The following SLITRK6 variants were observed in gnomAD, a reference collection of about 807,000 sequenced individuals.
The protein encoded by SLITRK6 is SLIT and NTRK like family member 6.
In SLITRK6, 35 loss-of-function variants were observed where a neutral mutation model predicts 55.6. The ratio of observed to expected loss-of-function variants is 0.63; its 90% CI spans 0.48 to 0.83. SLITRK6 has a LOEUF of 0.83. SLITRK6 is among the 40% of genes least tolerant of loss of function. The pLI is 0.00. For synonymous variants in SLITRK6, 392 were observed against 359.6 expected (o/e 1.09, Z -1.02); for missense variants, 977 against 986.4 (o/e 0.99, Z 0.13).
At chr13:85,796,816 A>T (rs1874742262) in intron 1 of SLITRK6, among the ~76,000 whole-genome samples, 1 of 151,728 alleles carries the variant, frequency 6.6e-6, no homozygotes, top group Admixed American at 6.6e-5. Flanking sequence ...CTCACATCTG[A>T]TGAATAACCT....
rs768861149 is a variant in SLITRK6 at position 85,795,505 on chromosome 13, C to T, written c.1004G>A (p.Cys335Tyr). Residue 335 changes from cysteine to tyrosine, a missense_variant, in exon 2 of 2, where the codon TGC (cysteine) becomes TAC (tyrosine). Coordinates refer to ENST00000647374, the MANE Select transcript of SLITRK6 (RefSeq NM_032229.3). The stretch of plus-strand genomic sequence containing the variant: ...AAGTCCTGATGGGGATAGGACTTTG[C>T]AGTTACAAGGAATAGGGCAGTAAGG... ...PGPYCPIPCN[C>Y]KVLSPSGLLI... 5 of 1,612,928 alleles carry T rather than the reference C, an allele frequency of 3.1e-6. No homozygotes were observed. The South Asian group carries it at 5.5e-5, about 18-fold the overall frequency.
At position 85,798,334 on chromosome 13, in the gene SLITRK6, T is replaced by C. The variant is rs1874782689; in HGVS notation, c.-25+580A>G. Reference sequence around the variant, plus strand: ...GTATAGCATCAGAGAAAATAGTAAATAATTTTTCAGTGATAAACTCTTGTT... The same window carrying C: ...GTATAGCATCAGAGAAAATAGTAAACAATTTTTCAGTGATAAACTCTTGTT... On this transcript the variant is annotated intron_variant, in intron 1 of 1. Coordinates refer to ENST00000647374, the MANE Select transcript of SLITRK6 (RefSeq NM_032229.3). 2.0e-5 allele frequency among the ~76,000 whole-genome samples: 3 copies of C among 151,864 alleles called. No homozygotes were observed. In the South Asian group the frequency reaches 6.2e-4, roughly 31 times the overall value.
At chr13:85,797,019 A>G (rs2137170883) in intron 1 of SLITRK6, among the ~76,000 whole-genome samples, 1 of 151,824 alleles carries the variant, frequency 6.6e-6, no homozygotes, top group South Asian at 2.1e-4. Context: ...TGATAAAAGA[A>G]TGTATGTGTG....
chr13:85,798,410 C>G (rs1874785098), intron 1 of SLITRK6, among the ~76,000 whole-genome samples: 1 of 151,954 alleles, frequency 6.6e-6, no homozygotes, highest in African/African-American at 2.4e-5. Context: ...TGCTAGGAAA[C>G]AGTTTCTAAT....
Position 85,794,837 on chromosome 13 carries a change from T to C in SLITRK6, c.1672A>G (p.Lys558Glu), listed in dbSNP as rs765643815. 1.9e-6 allele frequency: 3 copies of C among 1,613,182 alleles called. No homozygotes were observed. The highest frequency in any genetic ancestry group is 1.7e-6 in the Non-Finnish European group (2 of 1,179,512). ...SPGHLDKKEL[K>E]ALNSEILCPG... The stretch of plus-strand genomic sequence containing the variant: ...CAGAGAATTTCACTATTTAGGGCTT[T>C]CAATTCCTTTTTGTCGAGATGCCCG... Residue 558 changes from lysine (K) to glutamate (E), a missense_variant, in exon 2 of 2, where the codon AAA (lysine) becomes GAA (glutamate). By Grantham distance (56) the Lys-to-Glu change is moderately conservative. Coordinates refer to ENST00000647374, the MANE Select transcript of SLITRK6 (RefSeq NM_032229.3).
rs1038665577 is a variant in SLITRK6, at chr13:85,793,042, A to G, written c.*941T>C. 9.2e-5 allele frequency: 14 copies of G among 152,272 alleles called. No homozygotes were observed. Among genetic ancestry groups the G allele is most frequent in the African/African-American group, 2.2e-4 (9 of 41,410 alleles). 9.4% of individuals were successfully genotyped at this position (152,272 alleles called of 1,614,324 possible). A position where few individuals can be genotyped will look rare whatever the true frequency, so the allele number is the denominator to read the frequency against. On this transcript the variant is annotated 3_prime_UTR_variant, in exon 2 of 2. Coordinates refer to ENST00000647374, the MANE Select transcript of SLITRK6 (RefSeq NM_032229.3). Reference sequence around the variant, plus strand: ...CAATGTACATCAATAAAAATAAAATAATTTTTCCTATTTACTTTACAACTG... The same window carrying G: ...CAATGTACATCAATAAAAATAAAATGATTTTTCCTATTTACTTTACAACTG...
At position 85,795,170 on chromosome 13, in the gene SLITRK6, T is replaced by G. The variant is rs748064274; in HGVS notation, c.1339A>C (p.Ile447Leu). Reference protein sequence around the residue: ...LEYLYLEYNAIKEILPGTFNP... With the variant: ...LEYLYLEYNALKEILPGTFNP... ...AAGGTTCCTGGCAGTATTTCCTTAA[T>G]GGCATTGTATTCAAGATATAAGTAT... Residue 447 changes from isoleucine (I) to leucine (L), a missense_variant, in exon 2 of 2, where the codon ATT (isoleucine) becomes CTT (leucine). Transcript: ENST00000647374. 24 of 1,612,892 alleles carry G rather than the reference T, an allele frequency of 1.5e-5. No homozygotes were observed. Among genetic ancestry groups the G allele is most frequent in the Middle Eastern group, 1.7e-4 (1 of 6,048 alleles).
In SLITRK6 at chr13:85,793,914, C is replaced by T; in HGVS notation, c.*69G>A. ...TGATTGATGACACACTCACGTAAGG[C>T]ACTTATTTACAAGGTATGGACTTAA... On this transcript the variant is annotated 3_prime_UTR_variant, in exon 2 of 2. Coordinates refer to ENST00000647374, the MANE Select transcript of SLITRK6 (RefSeq NM_032229.3). 6.6e-7 allele frequency: 1 copy of T among 1,505,212 alleles called. No homozygotes were observed. The highest frequency in any genetic ancestry group is 8.9e-7 in the Non-Finnish European group (1 of 1,125,668). The allele number at this position is 1,505,212 out of a possible 1,614,324, so 93.2% of individuals were successfully genotyped here. A position where few individuals can be genotyped will look rare whatever the true frequency, so the allele number is the denominator to read the frequency against.
Position 85,793,796 on chromosome 13 carries a change from C to T in SLITRK6, c.*187G>A, listed in dbSNP as rs1471039475. The T allele has an allele frequency of 2.4e-5, 13 of 551,472 alleles. No individual in the cohort carries two copies. The highest frequency in any genetic ancestry group is 3.6e-5 in the Non-Finnish European group (12 of 332,906). The allele number at this position is 551,472 out of a possible 1,614,324, so 34.2% of individuals were successfully genotyped here. ...TTTTATTTGGGACAGACTAAATTGC[C>T]TGAAGATAATGCCATGGCTTCTCCC... On this transcript the variant is annotated 3_prime_UTR_variant, in exon 2 of 2. Transcript: ENST00000647374.
Position 85,794,998 on chromosome 13 carries a change from TC to T in SLITRK6, c.1510del (p.Asp504MetfsTer6). ...FTHLPVSNIL[D>X]DLDLLTQIDL... ...AATCTGGGTTAGCAAATCAAGATCA[TC>T]CAAAATATTACTTACAGGTAGATGG... On this transcript the variant is annotated frameshift_variant, in exon 2 of 2. Transcript: ENST00000647374. LOFTEE classifies it high-confidence loss of function. 2 of 1,613,058 alleles carry T rather than the reference TC, an allele frequency of 1.2e-6. No homozygotes were observed. The highest frequency in any genetic ancestry group is 2.7e-5 in the African/African-American group (2 of 74,968).
In SLITRK6 at chr13:85,795,471, A is replaced by G. The variant is rs747340636; in HGVS notation, c.1038T>C (p.His346=). Residue 346 remains histidine, a synonymous_variant, in exon 2 of 2, where the codon CAT becomes CAC. Coordinates refer to ENST00000647374, the MANE Select transcript of SLITRK6 (RefSeq NM_032229.3). ...KVLSPSGLLI[H]CQERNIESLS... Reference sequence around the variant, plus strand: ...AGCTTTCAATGTTGCGCTCCTGACAATGTATTAGAAGTCCTGATGGGGATA... The same window carrying G: ...AGCTTTCAATGTTGCGCTCCTGACAGTGTATTAGAAGTCCTGATGGGGATA... 1.2e-6 allele frequency: 2 copies of G among 1,613,024 alleles called. No homozygotes were observed. The highest frequency in any genetic ancestry group is 1.7e-6 in the Non-Finnish European group (2 of 1,179,416).
In SLITRK6 at chr13:85,794,697, A is replaced by G; in HGVS notation, c.1812T>C (p.Ala604=). ...CCAATATTAGAACAGACAGTGGCACAGCGTCCGTAAGAGATCGTAAAATAG... is the reference window on the plus strand; with the variant it reads ...CCAATATTAGAACAGACAGTGGCACGGCGTCCGTAAGAGATCGTAAAATAG... ...ADTILRSLTD[A]VPLSVLILGL... is the part of the protein sequence containing the mutation. The change falls in exon 2 of 2, where the codon GCT becomes GCC. Residue 604 remains alanine (A), a synonymous_variant. Transcript: ENST00000647374. The G allele has an allele frequency of 4.3e-6, 7 of 1,613,336 alleles. No homozygotes were observed. The highest frequency in any genetic ancestry group is 5.1e-6 in the Non-Finnish European group (6 of 1,179,546).
rs2137169453 is a variant in SLITRK6, at chr13:85,795,400, A to G, written c.1109T>C (p.Leu370Pro). 2 of 1,612,900 alleles carry G rather than the reference A, an allele frequency of 1.2e-6. No homozygotes were observed. Among genetic ancestry groups the G allele is most frequent in the African/African-American group, 1.3e-5 (1 of 74,962 alleles). ...TAAACTGTGAATAATATTTCCCGCT[A>G]GAATGAGCTTTCTAGGATTTTGCGG... ...PPPQNPRKLI[L>P]AGNIIHSLMK... The change falls in exon 2 of 2, where the codon CTA becomes CCA. Residue 370 changes from leucine (L) to proline (P), a missense_variant. Leu to Pro is a moderately conservative substitution (Grantham distance 98). Coordinates refer to ENST00000647374, the MANE Select transcript of SLITRK6 (RefSeq NM_032229.3).
Position 85,795,006 on chromosome 13 carries a change from A to G in SLITRK6, c.1503T>C (p.Asn501=), listed in dbSNP as rs1566397902. The change falls in exon 2 of 2, where the codon AAT becomes AAC. Residue 501 remains asparagine, a synonymous_variant. Transcript: ENST00000647374. ...TNQFTHLPVS[N]ILDDLDLLTQ... ...TTAGCAAATCAAGATCATCCAAAAT[A>G]TTACTTACAGGTAGATGGGTAAACT... is the stretch of plus-strand genomic sequence containing the variant. The G allele has an allele frequency of 6.2e-7, 1 of 1,612,996 alleles. No homozygotes were observed. The highest frequency in any genetic ancestry group is 8.5e-7 in the Non-Finnish European group (1 of 1,179,400).
intron 1 of SLITRK6, among the ~76,000 whole-genome samples, chr13:85,797,279 A>G (rs1334696780): frequency 6.6e-6 from 1 of 151,646 alleles, no homozygotes; most frequent in Non-Finnish European, 1.5e-5. Flanking sequence ...GGTAGTTTGT[A>G]TAAGCGTAAT....
Position 85,794,754 on chromosome 13 carries a change from G to A in SLITRK6, c.1755C>T (p.Thr585=). The A allele has an allele frequency of 6.2e-7, 1 of 1,613,164 alleles. No homozygotes were observed. Among genetic ancestry groups the A allele is most frequent in the African/African-American group, 1.3e-5 (1 of 74,948 alleles). Residue 585 remains threonine (T), a synonymous_variant, in exon 2 of 2, where the codon ACC becomes ACT. Coordinates refer to ENST00000647374, the MANE Select transcript of SLITRK6 (RefSeq NM_032229.3). ...CCGTATTTGTTGTTGTTGCAGGAGT[G>A]GTGACCATAAGGTAACTAGTCTGTG... ...MPTQTSYLMV[T]TPATTTNTAD...
In SLITRK6 at chr13:85,794,327, A is replaced by T. The variant is rs758238436; in HGVS notation, c.2182T>A (p.Ser728Thr). 1 of 1,613,266 alleles carries T rather than the reference A, an allele frequency of 6.2e-7. No homozygotes were observed. Among genetic ancestry groups the T allele is most frequent in the Admixed American group, 1.7e-5 (1 of 59,922 alleles). The change falls in exon 2 of 2, where the codon TCA (serine) becomes ACA (threonine). Residue 728 changes from serine to threonine, a missense_variant. Coordinates refer to ENST00000647374, the MANE Select transcript of SLITRK6 (RefSeq NM_032229.3). ...QRSLLEQENH[S>T]PLTGSNMKYK... ...TTCATATTTGACCCTGTGAGTGGTGAATGATTTTCCTGTTCCAAAAGACTT... is the reference window on the plus strand; with the variant it reads ...TTCATATTTGACCCTGTGAGTGGTGTATGATTTTCCTGTTCCAAAAGACTT...
chr13:85,793,971 CA>C lies in SLITRK6; in HGVS notation c.*11del. 6.4e-7 allele frequency: 1 copy of C among 1,574,360 alleles called. No homozygotes were observed. Among genetic ancestry groups the C allele is most frequent in the South Asian group, 1.2e-5 (1 of 83,420 alleles). On this transcript the variant is annotated 3_prime_UTR_variant, in exon 2 of 2. Coordinates refer to ENST00000647374, the MANE Select transcript of SLITRK6 (RefSeq NM_032229.3). ...ATCACAGCATTTCTGCGAAAGCCCT[CA>C]AACTCTCCATCTATGTTTGCTGCTC...
In SLITRK6 at chr13:85,796,279, G is replaced by C. The variant is rs758010150; in HGVS notation, c.230C>G (p.Thr77Arg). 1.9e-6 allele frequency: 3 copies of C among 1,611,642 alleles called. No homozygotes were observed. The Admixed American group carries it at 5.0e-5, about 27-fold the overall frequency. ...AGAAAAGTCATTTGTGTGAAGCATC[G>C]TCAAGCCGTTATTTAATAAGCTTAG... ...FQLSLLNNGLTMLHTNDFSGL... is the reference protein window; with the variant it reads ...FQLSLLNNGLRMLHTNDFSGL... The change falls in exon 2 of 2, where the codon ACG becomes AGG. Residue 77 changes from threonine to arginine, a missense_variant. Physicochemically the swap from Thr to Arg is moderately conservative, Grantham distance 71. Coordinates refer to ENST00000647374, the MANE Select transcript of SLITRK6 (RefSeq NM_032229.3).
Sources: allele counts gnomAD v4.1 joint callset (sites outside exome capture counted in the v4.1 genomes callset), GRCh38; gene constraint gnomAD v4.1.1; transcripts MANE v1.5; gene names NCBI Gene and HGNC (gene_info 2026-07-23, HGNC 2026-07-21).